SDK1: variants seen among roughly 807,000 people sequenced by gnomAD.
SDK1 encodes the protein protein sidekick-1.
A neutral mutation model predicts 245.5 loss-of-function variants in SDK1; 157 were observed. The ratio of observed to expected loss-of-function variants is 0.64; its 90% CI spans 0.56 to 0.73. SDK1 has a LOEUF of 0.73. SDK1 is among the 30% of genes least tolerant of loss of function. SDK1 has a pLI of 0.00. For missense variants in SDK1, 3,583 were observed against 3,002.3 expected (o/e 1.19, Z -4.52); for synonymous variants, 1,647 against 1,278.5 (o/e 1.29, Z -6.15).
chr7:4,044,792 T>C (rs532401655), intron 17 of SDK1, among the ~76,000 whole-genome samples: 1 of 152,284 alleles, frequency 6.6e-6, no homozygotes, highest in South Asian at 2.1e-4. Flanking sequence ...ATAATTTACA[T>C]ACAGTAAAAC....
intron 22 of SDK1, among the ~76,000 whole-genome samples, chr7:4,088,646 G>A (rs541512290): frequency 6.6e-6 from 1 of 151,774 alleles, no homozygotes; most frequent in Non-Finnish European, 1.5e-5. Flanking sequence ...GATTTCATCT[G>A]TTGGTAAGGT....
At chr7:3,344,849 C>T (rs965219884) in intron 1 of SDK1, among the ~76,000 whole-genome samples, 2 of 152,080 alleles carry the variant, frequency 1.3e-5, no homozygotes, top group African/African-American at 4.8e-5. Flanking sequence ...GAGTGGTGAG[C>T]CTTTGTAGTT....
intron 5 of SDK1, among the ~76,000 whole-genome samples, chr7:3,834,553 G>C (rs980560124): frequency 6.6e-6 from 1 of 152,178 alleles, no homozygotes; most frequent in Admixed American, 6.5e-5. Context: ...ATTAGGAAAA[G>C]GGGGTTGGGG....
At chr7:3,984,635 G>A (rs1783680711) in intron 13 of SDK1, among the ~76,000 whole-genome samples, 1 of 152,084 alleles carries the variant, frequency 6.6e-6, no homozygotes, top group African/African-American at 2.4e-5. Flanking sequence ...GTCCTGAGCT[G>A]GCTGTACAAC....
At chr7:3,826,327 C>G (rs1779774096) in intron 5 of SDK1, among the ~76,000 whole-genome samples, 1 of 152,224 alleles carries the variant, frequency 6.6e-6, no homozygotes, top group Non-Finnish European at 1.5e-5. Context: ...TACTTGACGT[C>G]TCATGGCGCA....
intron 1 of SDK1, among the ~76,000 whole-genome samples, chr7:3,606,687 C>T (rs939798222): frequency 6.6e-6 from 1 of 152,102 alleles, no homozygotes; most frequent in African/African-American, 2.4e-5. Context: ...TCAGATACCC[C>T]GTTCTCAACG....
intron 1 of SDK1, among the ~76,000 whole-genome samples, chr7:3,319,876 G>GTTTTTTTTTTTTTTTTTTTTTT (rs1562411105): frequency 7.3e-5 from 3 of 40,980 alleles, no homozygotes; most frequent in African/African-American, 1.3e-4. Flanking sequence ...CCCATTCTTA[G>GTTTTTTTTTTTTTTTTTTTTTT]TCTTTTTTTT....
intron 33 of SDK1, among the ~76,000 whole-genome samples, chr7:4,174,804 C>T (rs1219036506): frequency 2.0e-5 from 3 of 152,124 alleles, no homozygotes; most frequent in Admixed American, 6.5e-5. Flanking sequence ...GCCTGCACTG[C>T]GCCATGATCG....
intron 1 of SDK1, among the ~76,000 whole-genome samples, chr7:3,338,768 A>AC (rs1780270826): frequency 6.6e-6 from 1 of 152,134 alleles, no homozygotes; most frequent in African/African-American, 2.4e-5. Flanking sequence ...AAATGTTGAT[A>AC]CCGGTAGAGT....
intron 1 of SDK1, among the ~76,000 whole-genome samples, chr7:3,544,974 G>C (rs1382709603): frequency 6.6e-6 from 1 of 152,114 alleles, no homozygotes; most frequent in Non-Finnish European, 1.5e-5. Flanking sequence ...TACTGTAACT[G>C]AGTCCCTAAC....
chr7:3,602,763 C>G (rs1387310265), intron 1 of SDK1, among the ~76,000 whole-genome samples: 1 of 152,118 alleles, frequency 6.6e-6, no homozygotes, highest in Non-Finnish European at 1.5e-5. Context: ...TGCCTATGTC[C>G]TCAATGGTAT....
In SDK1 at chr7:3,911,794, C is replaced by A. The variant is rs1487298797; in HGVS notation, c.848-39129C>A. Among the ~76,000 whole-genome samples the A allele has an allele frequency of 2.0e-5, 3 of 152,158 alleles. No homozygotes were observed. In the East Asian group the frequency reaches 5.8e-4, roughly 29 times the overall value. ...ATGAGTCAGCTGAACAAGGAGCAGG[C>A]CCTGCCCTGGAGGAGCTTAAGGGGA... On this transcript the variant is annotated intron_variant, in intron 5 of 44. Transcript: ENST00000404826.
At chr7:3,416,764 G>A (rs1439674935) in intron 1 of SDK1, among the ~76,000 whole-genome samples, 1 of 152,166 alleles carries the variant, frequency 6.6e-6, no homozygotes, top group Non-Finnish European at 1.5e-5. Context: ...CTGGGGTTGT[G>A]TGTGACCATG....
chr7:3,738,469 T>C (rs765124185), intron 4 of SDK1, among the ~76,000 whole-genome samples: 2 of 152,250 alleles, frequency 1.3e-5, no homozygotes, highest in Non-Finnish European at 2.9e-5. Flanking sequence ...CATTTTGATA[T>C]CAGGAAGTGT....
chr7:3,684,897 A>C (rs1389047432), intron 4 of SDK1, among the ~76,000 whole-genome samples: 1 of 152,186 alleles, frequency 6.6e-6, no homozygotes, highest in Non-Finnish European at 1.5e-5. Flanking sequence ...CAGAGGACCG[A>C]ATCCATGAAC....
At chr7:3,830,558 C>T (rs1779888592) in intron 5 of SDK1, among the ~76,000 whole-genome samples, 2 of 152,088 alleles carry the variant, frequency 1.3e-5, no homozygotes, top group South Asian at 4.1e-4. Flanking sequence ...TGCAGTGGCA[C>T]ATTCATGGCT....
At chr7:3,333,614 C>G (rs1010494220) in intron 1 of SDK1, among the ~76,000 whole-genome samples, 1 of 152,126 alleles carries the variant, frequency 6.6e-6, no homozygotes, top group Non-Finnish European at 1.5e-5. Context: ...GTAATCTGCC[C>G]TACCATGCAT....
At chr7:3,536,914 A>G (rs1236710668) in intron 1 of SDK1, among the ~76,000 whole-genome samples, 3 of 152,232 alleles carry the variant, frequency 2.0e-5, no homozygotes, top group African/African-American at 7.2e-5. Context: ...TAGTTGAATT[A>G]TAAAACCATA....
At chr7:3,757,818 C>A (rs905152313) in intron 4 of SDK1, among the ~76,000 whole-genome samples, 1 of 152,126 alleles carries the variant, frequency 6.6e-6, no homozygotes, top group East Asian at 1.9e-4. Context: ...AGGCCCCCTC[C>A]CCTCCCAGGA....
Sources: gnomAD v4.1 joint callset for allele counts (sites outside exome capture counted in the v4.1 genomes callset) on GRCh38, gnomAD v4.1.1 for gene constraint, MANE v1.5 for transcripts, NCBI Gene and HGNC (gene_info 2026-07-23, HGNC 2026-07-21) for gene names.